The following TBX10 variants were observed in gnomAD, a reference collection of about 807,000 sequenced individuals.
TBX10 encodes T-box transcription factor TBX10.
A neutral mutation model predicts 32.4 loss-of-function variants in TBX10; 26 were observed. The observed-to-expected ratio is 0.80, with a 90% confidence interval of 0.59 to 1.11. The LOEUF is 1.11. Among genes scored for constraint, TBX10 ranks in the 50% most tolerant of loss-of-function variants. The pLI is 0.00. For missense variants in TBX10, 490 were observed against 494.5 expected (o/e 0.99, Z 0.09); for synonymous variants, 195 against 203.1 (o/e 0.96, Z 0.34).
rs1474702247 is a variant in TBX10 at position 67,639,595 on chromosome 11, A to C, written c.-123T>G. On this transcript the variant is annotated 5_prime_UTR_variant, in exon 1 of 8. Coordinates refer to ENST00000335385, the MANE Select transcript of TBX10 (RefSeq NM_005995.5). Reference sequence around the variant, plus strand: ...ACCTCAGCTCAGCCCTCAGGTGCTCACACAAGCTGTAGTCTCTCGGCAGGA... The same window carrying C: ...ACCTCAGCTCAGCCCTCAGGTGCTCCCACAAGCTGTAGTCTCTCGGCAGGA... The C allele has an allele frequency of 7.6e-7, 1 of 1,316,982 alleles. No individual in the cohort carries two copies. The highest frequency in any genetic ancestry group is 1.1e-6 in the Non-Finnish European group (1 of 925,670). The allele number at this position is 1,316,982 out of a possible 1,614,324, so 81.6% of individuals were successfully genotyped here. A position where few individuals can be genotyped will look rare whatever the true frequency, so the allele number is the denominator to read the frequency against.
upstream of TBX10, among the ~76,000 whole-genome samples, chr11:67,640,977 C>G (rs183854065): frequency 6.6e-6 from 1 of 152,048 alleles, no homozygotes; most frequent in Non-Finnish European, 1.5e-5. Flanking sequence ...ACCCCATGCC[C>G]GGCTGTGTGA....
Position 67,635,214 on chromosome 11 carries a change from G to C in TBX10, c.57C>G (p.Pro19=). The C allele has an allele frequency of 3.7e-6, 6 of 1,613,814 alleles. No individual in the cohort carries two copies. Among genetic ancestry groups the C allele is most frequent in the Non-Finnish European group, 5.1e-6 (6 of 1,180,028 alleles). Residue 19 remains proline (P), a synonymous_variant, in exon 2 of 8, where the codon CCC becomes CCG. Coordinates refer to ENST00000335385, the MANE Select transcript of TBX10 (RefSeq NM_005995.5). ...LGILAPSETY[P]LPTTSSGWEP... is the part of the protein sequence containing the mutation. ...CCCAGCCAGAGCTGGTTGTAGGTAG[G>C]GGGTAGGTCTCTGAGGGTGCAAGTA...
Position 67,631,612 on chromosome 11 carries a change from G to A in TBX10, c.1151C>T (p.Ser384Phe), listed in dbSNP as rs764916916. The change falls in exon 8 of 8, where the codon TCC (serine) becomes TTC (phenylalanine). Residue 384 changes from serine (S) to phenylalanine (F), a missense_variant. Coordinates refer to ENST00000335385, the MANE Select transcript of TBX10 (RefSeq NM_005995.5). ...TVVCLGPGQDSQ is the reference protein window; with the variant it reads ...TVVCLGPGQDFQ ...CCCCCAGGGCTTCTGGCATCACTGG[G>A]AGTCCTGGCCAGGCCCCAGGCACAC... is the stretch of plus-strand genomic sequence containing the variant. 2 of 1,596,624 alleles carry A rather than the reference G, an allele frequency of 1.3e-6. No individual in the cohort carries two copies. Among genetic ancestry groups the A allele is most frequent in the Non-Finnish European group, 1.7e-6 (2 of 1,176,018 alleles).
chr11:67,632,806 G>A (rs896421582), intron 5 of TBX10, 136 bp from the exon 6 acceptor site: 11 of 1,542,448 alleles, frequency 7.1e-6, no homozygotes, highest in Non-Finnish European at 9.8e-6. Flanking sequence ...AGGAGTGCGG[G>A]CAGGGCCTTG....
At chr11:67,632,803 C>T (rs1225450876) in intron 5 of TBX10, 133 bp from the exon 6 acceptor site, 18 of 1,540,218 alleles carry the variant, frequency 1.2e-5, no homozygotes, top group Admixed American at 5.0e-5. Flanking sequence ...GATAGGAGTG[C>T]GGGCAGGGCC....
At chr11:67,632,279 C>T (rs1229707487) in intron 7 of TBX10, 39 bp downstream of exon 7, 6 of 1,610,006 alleles carry the variant, frequency 3.7e-6, no homozygotes, top group Non-Finnish European at 5.1e-6. Flanking sequence ...CCACTGTGTA[C>T]ACCTTAGTCC....
intron 1 of TBX10, among the ~76,000 whole-genome samples, chr11:67,636,646 C>T (rs1323140946): frequency 2.0e-5 from 3 of 151,860 alleles, no homozygotes; most frequent in Non-Finnish European, 4.4e-5. Flanking sequence ...TACAGGCGTG[C>T]ATCATCATGC....
Position 67,632,411 on chromosome 11 carries a change from G to A in TBX10, c.775C>T (p.Pro259Ser). 2 of 1,609,870 alleles carry A rather than the reference G, an allele frequency of 1.2e-6. No homozygotes were observed. Among genetic ancestry groups the A allele is most frequent in the Non-Finnish European group, 1.7e-6 (2 of 1,177,922 alleles). Reference protein sequence around the residue: ...GFRESDLDSWPVAPRPLLSVP... With the variant: ...GFRESDLDSWSVAPRPLLSVP... The stretch of plus-strand genomic sequence containing the variant: ...CTGAGCAGGGGCCGTGGGGCCACAG[G>A]CCTGAAAGAGCAAGCGAGAATGGGG... Residue 259 changes from proline (P) to serine (S), a missense_variant and splice_region_variant, in exon 7 of 8, where the codon CCT becomes TCT. By Grantham distance (74) the Pro-to-Ser change is moderately conservative. Around this residue, in one of 3 missense-constraint regions of TBX10, gnomAD observed 177 missense variants for 176.6 expected, o/e 1.00. Coordinates refer to ENST00000335385, the MANE Select transcript of TBX10 (RefSeq NM_005995.5).
chr11:67,641,459 GGCCC>G (rs1855404934), upstream of TBX10, among the ~76,000 whole-genome samples: 1 of 152,200 alleles, frequency 6.6e-6, no homozygotes, highest in South Asian at 2.1e-4. Flanking sequence ...CTCCCCGGCT[GGCCC>G]GCCCGCCCTG....
intron 1 of TBX10, 105 bp from the exon 2 acceptor site, chr11:67,635,368 G>A: frequency 1.3e-6 from 2 of 1,509,522 alleles, no homozygotes; most frequent in South Asian, 1.2e-5. Context: ...CTCCCTGACT[G>A]CCAGGGCTGT....
In TBX10 at chr11:67,632,630, C is replaced by A. The variant is rs770623718; in HGVS notation, c.746G>T (p.Gly249Val). 3.1e-6 allele frequency: 5 copies of A among 1,613,934 alleles called. No homozygotes were observed. The highest frequency in any genetic ancestry group is 4.2e-6 in the Non-Finnish European group (5 of 1,180,020). Residue 249 changes from glycine to valine, a missense_variant, in exon 6 of 8, where the codon GGC (glycine) becomes GTC (valine). Physicochemically the swap from Gly to Val is moderately radical, Grantham distance 109. Transcript: ENST00000335385. ...LKIASNPFAKGFRESDLDSWP... is the reference protein window; with the variant it reads ...LKIASNPFAKVFRESDLDSWP... ...GGAGTCCAGGTCACTCTCTCTAAAG[C>A]CTTTGGCAAAAGGGTTGCTGGCGAT...
At position 67,635,260 on chromosome 11, in the gene TBX10, A is replaced by G; in HGVS notation, c.11T>C (p.Phe4Ser). 1.2e-6 allele frequency: 2 copies of G among 1,613,288 alleles called. No homozygotes were observed. The highest frequency in any genetic ancestry group is 2.7e-5 in the African/African-American group (2 of 75,018). MAA[F>S]LSAGLGILAP... ...AAGTATGCCGAGGCCAGCAGATAGGAAGGCTGTGGAGAGAGGACGGAAGTG... is the reference window on the plus strand; with the variant it reads ...AAGTATGCCGAGGCCAGCAGATAGGGAGGCTGTGGAGAGAGGACGGAAGTG... The change falls in exon 2 of 8, where the codon TTC becomes TCC. Residue 4 changes from phenylalanine to serine, a missense_variant. Physicochemically the swap from Phe to Ser is radical, Grantham distance 155 (BLOSUM62 -2). Transcript: ENST00000335385.
At chr11:67,636,426 AG>A (rs1855329407) in intron 1 of TBX10, among the ~76,000 whole-genome samples, 2 of 151,730 alleles carry the variant, frequency 1.3e-5, no homozygotes, top group Admixed American at 6.6e-5. Flanking sequence ...GGAATGTAAA[AG>A]GTGCAGCTGC....
chr11:67,631,648 G>A lies in TBX10; in HGVS notation c.1115C>T (p.Ser372Phe). 6.2e-7 allele frequency: 1 copy of A among 1,604,970 alleles called. No individual in the cohort carries two copies. Among genetic ancestry groups the A allele is most frequent in the Non-Finnish European group, 8.5e-7 (1 of 1,177,848 alleles). The change falls in exon 8 of 8, where the codon TCC (serine) becomes TTC (phenylalanine). Residue 372 changes from serine (S) to phenylalanine (F), a missense_variant. Coordinates refer to ENST00000335385, the MANE Select transcript of TBX10 (RefSeq NM_005995.5). Reference protein sequence around the residue: ...LPLPAGLGLLSPTVVCLGPGQ... With the variant: ...LPLPAGLGLLFPTVVCLGPGQ... ...AGGCCCCAGGCACACCACAGTGGGGGACAGGAGCCCCAGCCCAGCTGGGAG... is the reference window on the plus strand; with the variant it reads ...AGGCCCCAGGCACACCACAGTGGGGAACAGGAGCCCCAGCCCAGCTGGGAG...
intron 4 of TBX10, among the ~76,000 whole-genome samples, chr11:67,633,362 G>A (rs115959308): frequency 0.019 from 2,839 of 152,080 alleles, 93 homozygotes; most frequent in African/African-American, 0.065. Flanking sequence ...CGTCACTGTC[G>A]CGTTCACCAG....
At position 67,631,666 on chromosome 11, in the gene TBX10, G is replaced by C. The variant is rs1855235359; in HGVS notation, c.1097C>G (p.Ala366Gly). 6.2e-7 allele frequency: 1 copy of C among 1,607,258 alleles called. No homozygotes were observed. Among genetic ancestry groups the C allele is most frequent in the Admixed American group, 1.7e-5 (1 of 59,330 alleles). Reference protein sequence around the residue: ...DRDQGGLPLPAGLGLLSPTVV... With the variant: ...DRDQGGLPLPGGLGLLSPTVV... ...AGTGGGGGACAGGAGCCCCAGCCCA[G>C]CTGGGAGAGGCAGGCCTCCTTGATC... The change falls in exon 8 of 8, where the codon GCT (alanine) becomes GGT (glycine). Residue 366 changes from alanine to glycine, a missense_variant. Ala to Gly is a moderately conservative substitution (Grantham distance 60, BLOSUM62 0). Transcript: ENST00000335385.
Position 67,634,063 on chromosome 11 carries a change from G to A in TBX10, c.549+126C>T, listed in dbSNP as rs143361816. On this transcript the variant is annotated intron_variant, in intron 4 of 7. Coordinates refer to ENST00000335385, the MANE Select transcript of TBX10 (RefSeq NM_005995.5). Reference sequence around the variant, plus strand: ...CCCAGCCAGGTGAGCTCGCCACCCCGGCTCCCCGCCCTGCCTTGACCATCA... The same window carrying A: ...CCCAGCCAGGTGAGCTCGCCACCCCAGCTCCCCGCCCTGCCTTGACCATCA... 153 of 1,031,770 alleles carry A rather than the reference G, an allele frequency of 1.5e-4. 1 individual carries two copies. In the African/African-American group the frequency reaches 2.5e-3, roughly 17 times the overall value. 63.9% of individuals were successfully genotyped at this position (1,031,770 alleles called of 1,614,324 possible).
intron 4 of TBX10, 31 bp from the exon 5 acceptor site, chr11:67,633,134 G>C: frequency 6.2e-7 from 1 of 1,606,726 alleles, no homozygotes; most frequent in Non-Finnish European, 8.5e-7. Flanking sequence ...GGGTACAGGG[G>C]TGAGGCGGAG....
At position 67,634,826 on chromosome 11, in the gene TBX10, T is replaced by C; in HGVS notation, c.367A>G (p.Lys123Glu). ...LLMDFIPLDD[K>E]RYRYAFHSSA... ...GGCCGGTCCCCGCACCTGTATCTCT[T>C]GTCGTCCAGGGGGATGAAGTCCATG... Residue 123 changes from lysine to glutamate, a missense_variant, in exon 3 of 8, where the codon AAG (lysine) becomes GAG (glutamate). Lys to Glu is a moderately conservative substitution (Grantham distance 56). Transcript: ENST00000335385. 1 of 1,613,436 alleles carries C rather than the reference T, an allele frequency of 6.2e-7. No homozygotes were observed. The highest frequency in any genetic ancestry group is 1.1e-5 in the South Asian group (1 of 91,080).
Sources: gnomAD v4.1 joint callset for allele counts (sites outside exome capture counted in the v4.1 genomes callset) on GRCh38, gnomAD v4.1.1 for gene constraint, gnomAD v4.1.1 regional missense constraint, MANE v1.5 for transcripts, NCBI Gene and HGNC (gene_info 2026-07-23, HGNC 2026-07-21) for gene names.